TDRD10: variants seen among roughly 807,000 people sequenced by gnomAD.
TDRD10 encodes the protein tudor domain containing 10, also known as tudor domain-containing protein 10.
Under a neutral mutation model 48.0 loss-of-function variants are expected in TDRD10, and 40 were observed. The observed-to-expected ratio is 0.83, with a 90% CI of 0.65 to 1.09. The LOEUF (loss-of-function observed/expected upper bound fraction) is 1.09. Ranked by LOEUF, TDRD10 falls within the 50% of genes least tolerant of loss-of-function variation. TDRD10 has a pLI of 0.00. For missense variants in TDRD10, 378 were observed against 434.7 expected, an observed-to-expected ratio of 0.87 and a Z score of 1.16; for synonymous variants, 162 against 170.4, an observed-to-expected ratio of 0.95 and a Z score of 0.38.
chr1:154,507,351 G>A (rs1693203613), intron 3 of TDRD10, 31 bp downstream of exon 3: 1 of 1,611,346 alleles, frequency 6.2e-7, no homozygotes, highest in African/African-American at 1.3e-5. Context: ...CGCTGGTGCT[G>A]GGACTCTCAT....
intron 6 of TDRD10, among the ~76,000 whole-genome samples, chr1:154,536,690 C>T (rs1694937977): frequency 6.6e-6 from 1 of 152,162 alleles, no homozygotes; most frequent in East Asian, 1.9e-4. Context: ...CCCCCAGCAG[C>T]CCTCAGCTGT....
chr1:154,521,512 T>TCC, intron 6 of TDRD10, 33 bp downstream of exon 6: 1 of 1,607,274 alleles, frequency 6.2e-7, no homozygotes, highest in Non-Finnish European at 8.5e-7. Flanking sequence ...TCTGGGGCGT[T>TCC]CCATTTTCAC....
intron 11 of TDRD10, among the ~76,000 whole-genome samples, chr1:154,546,896 G>C (rs1695623208): frequency 6.6e-6 from 1 of 152,182 alleles, no homozygotes; most frequent in Admixed American, 6.5e-5. Context: ...TAGTGATTCA[G>C]TGTCATACAT....
chr1:154,519,848 G>T (rs1304814942), intron 4 of TDRD10, among the ~76,000 whole-genome samples: 1 of 152,146 alleles, frequency 6.6e-6, no homozygotes, highest in African/African-American at 2.4e-5. Context: ...CAGACTAGGA[G>T]AGGAGAAGGG....
In TDRD10 at chr1:154,521,301, CCT is replaced by C. The variant is rs760688088; in HGVS notation, c.213-13_213-12del. 1.9e-6 allele frequency: 3 copies of C among 1,612,716 alleles called. No homozygotes were observed. The highest frequency in any genetic ancestry group is 2.5e-6 in the Non-Finnish European group (3 of 1,179,224). ...TCTCTGGAGATGTGCTCAAAGCCTC[CCT>C]CTCTCTCTTCCCTTTTCAGCTTTGC... On this transcript the variant is annotated intron_variant, in intron 5 of 12. Transcript: ENST00000368482.
intron 6 of TDRD10, among the ~76,000 whole-genome samples, chr1:154,533,177 A>G (rs1694737958): frequency 6.6e-6 from 1 of 152,118 alleles, no homozygotes; most frequent in Admixed American, 6.5e-5. Context: ...GACTCATCCC[A>G]GCCCCATGAG....
chr1:154,511,913 T>C (rs1693498932), intron 4 of TDRD10, among the ~76,000 whole-genome samples: 1 of 151,526 alleles, frequency 6.6e-6, no homozygotes, highest in African/African-American at 2.4e-5. Flanking sequence ...CCTGTAATCC[T>C]AGCTACTCAG....
intron 6 of TDRD10, among the ~76,000 whole-genome samples, chr1:154,540,765 G>C (rs1695182808): frequency 6.6e-6 from 1 of 152,176 alleles, no homozygotes; most frequent in African/African-American, 2.4e-5. Context: ...ACTGGAGATG[G>C]CCTTGGAGAG....
intron 6 of TDRD10, among the ~76,000 whole-genome samples, chr1:154,524,193 G>A (rs916894663): frequency 1.3e-5 from 2 of 152,120 alleles, no homozygotes; most frequent in South Asian, 4.1e-4. Flanking sequence ...CTGAGACAGG[G>A]TGTTGCTTTG....
chr1:154,537,830 C>G (rs1157602598), intron 6 of TDRD10, among the ~76,000 whole-genome samples: 2 of 152,174 alleles, frequency 1.3e-5, no homozygotes, highest in Non-Finnish European at 2.9e-5. Context: ...CACTTGACCA[C>G]CTGGTAGAAA....
At chr1:154,504,513 G>A (rs1693034853) in intron 1 of TDRD10, among the ~76,000 whole-genome samples, 2 of 152,306 alleles carry the variant, frequency 1.3e-5, no homozygotes, top group South Asian at 4.1e-4. Flanking sequence ...GTTTCTTCAT[G>A]TCCTCAATAC....
At chr1:154,514,117 G>A (rs772103107) in intron 4 of TDRD10, among the ~76,000 whole-genome samples, 6 of 152,334 alleles carry the variant, frequency 3.9e-5, no homozygotes, top group Non-Finnish European at 7.3e-5. Flanking sequence ...TTGAACTGGG[G>A]AGGCGGAGGT....
At chr1:154,542,895 C>T (rs917341797) in intron 8 of TDRD10, 74 bp downstream of exon 8, 16 of 1,299,136 alleles carry the variant, frequency 1.2e-5, no homozygotes, top group Non-Finnish European at 1.7e-5. Flanking sequence ...AGAGTGGGGA[C>T]AAGGATAGTA....
intron 1 of TDRD10, among the ~76,000 whole-genome samples, chr1:154,505,196 A>G (rs1410338014): frequency 6.6e-6 from 1 of 152,194 alleles, no homozygotes; most frequent in Non-Finnish European, 1.5e-5. Flanking sequence ...CCGGGACTTC[A>G]TCTGTAAAAC....
intron 6 of TDRD10, among the ~76,000 whole-genome samples, chr1:154,535,857 C>A (rs1241083435): frequency 6.6e-6 from 1 of 152,152 alleles, no homozygotes; most frequent in Non-Finnish European, 1.5e-5. Flanking sequence ...AGATGAGAGG[C>A]TTCCCAGATT....
At chr1:154,519,898 C>T (rs1198732940) in intron 4 of TDRD10, among the ~76,000 whole-genome samples, 1 of 152,026 alleles carries the variant, frequency 6.6e-6, no homozygotes, top group Non-Finnish European at 1.5e-5. Flanking sequence ...GAACCATATC[C>T]CCGGGCAGAG....
intron 6 of TDRD10, among the ~76,000 whole-genome samples, chr1:154,537,963 C>T (rs561834887): frequency 3.1e-4 from 47 of 152,298 alleles, no homozygotes; most frequent in African/African-American, 1.1e-3. Context: ...TATTGAGGTG[C>T]TGCCTTGATG....
At chr1:154,520,787 G>T (rs1185370961) in intron 5 of TDRD10, among the ~76,000 whole-genome samples, 1 of 152,206 alleles carries the variant, frequency 6.6e-6, no homozygotes, top group Non-Finnish European at 1.5e-5. Flanking sequence ...GCTCAGGCCG[G>T]AGTGCTGTGG....
At chr1:154,512,675 A>G (rs767705149) in intron 4 of TDRD10, among the ~76,000 whole-genome samples, 1 of 152,108 alleles carries the variant, frequency 6.6e-6, no homozygotes, top group African/African-American at 2.4e-5. Flanking sequence ...CATATCTTCT[A>G]GCTGTGTCTA....
Sources: gnomAD v4.1 joint callset for allele counts (sites outside exome capture counted in the v4.1 genomes callset) on GRCh38, gnomAD v4.1.1 for gene constraint, MANE v1.5 for transcripts, NCBI Gene and HGNC (gene_info 2026-07-23, HGNC 2026-07-21) for gene names.